MYBBP1A: variants seen among roughly 807,000 people sequenced by gnomAD.
MYBBP1A encodes the protein myb-binding protein 1A.
Under a neutral mutation model 136.3 loss-of-function variants are expected in MYBBP1A, and 147 were observed. The ratio of observed to expected loss-of-function variants is 1.08; its 90% CI spans 0.94 to 1.24. The LOEUF (loss-of-function observed/expected upper bound fraction) is 1.24. MYBBP1A is among the 50% of genes most tolerant of loss of function. The pLI, the probability that MYBBP1A is intolerant of heterozygous loss-of-function variation, is 0.00. For synonymous variants in MYBBP1A, 947 were observed against 735.8 expected (o/e 1.29, Z -4.65); for missense variants, 2,060 against 1,727.4 (o/e 1.19, Z -3.41).
In MYBBP1A at chr17:4,552,390, G is replaced by C. The variant is rs768430615; in HGVS notation, c.737+61C>G. ...ACCCCCAGGCCAAACGACAAATCTG[G>C]GCCTGGCCAGATGCAGTCCCTTGGC... is the stretch of plus-strand genomic sequence containing the variant. On this transcript the variant is annotated intron_variant, in intron 6 of 25. Transcript: ENST00000254718. This position sits in a 1 kb window ranked among gnomAD's most constrained non-coding sequence, Gnocchi z 4.7. The C allele has an allele frequency of 5.0e-5, 80 of 1,603,700 alleles. No homozygotes were observed. Among genetic ancestry groups the C allele is most frequent in the Non-Finnish European group, 6.0e-5 (70 of 1,175,574 alleles).
chr17:4,539,344 T>TAAAAAA lies in MYBBP1A; in HGVS notation c.*65_*70dup. 1 of 1,401,724 alleles carries TAAAAAA rather than the reference T, an allele frequency of 7.1e-7. No homozygotes were observed. The highest frequency in any genetic ancestry group is 9.4e-7 in the Non-Finnish European group (1 of 1,065,150). The allele number at this position is 1,401,724 out of a possible 1,614,324, so 86.8% of individuals were successfully genotyped here. On this transcript the variant is annotated 3_prime_UTR_variant, in exon 26 of 26. Coordinates refer to ENST00000254718, the MANE Select transcript of MYBBP1A (RefSeq NM_014520.4). ...CAGCTTGCGTATTAAAATCATGGTT[T>TAAAAAA]AAAAAAAAAAAAAAAAAATAGGCGT...
At chr17:4,540,215 T>C in intron 25 of MYBBP1A, 133 bp downstream of exon 25, 2 of 1,307,206 alleles carry the variant, frequency 1.5e-6, no homozygotes, top group Non-Finnish European at 2.1e-6. Flanking sequence ...TGCGCTTGAG[T>C]GCATGTGTGT....
At position 4,539,788 on chromosome 17, in the gene MYBBP1A, G is replaced by T. The variant is rs1370895523; in HGVS notation, c.3614C>A (p.Pro1205His). 1.1e-5 allele frequency: 17 copies of T among 1,612,558 alleles called. No individual in the cohort carries two copies. The highest frequency in any genetic ancestry group is 1.4e-5 in the Non-Finnish European group (16 of 1,180,028). The change falls in exon 26 of 26, where the codon CCC becomes CAC. Residue 1205 changes from proline to histidine, a missense_variant. By Grantham distance (77) the Pro-to-His change is moderately conservative. Coordinates refer to ENST00000254718, the MANE Select transcript of MYBBP1A (RefSeq NM_014520.4). ...GTPAATGGSQPPSMGRKKRNR... is the reference protein window; with the variant it reads ...GTPAATGGSQHPSMGRKKRNR... Reference sequence around the variant, plus strand: ...CCTCTTCTTCCTGCCCATGCTGGGGGGCTGGCTCCCGCCGGTGGCTGCAGG... The same window carrying T: ...CCTCTTCTTCCTGCCCATGCTGGGGTGCTGGCTCCCGCCGGTGGCTGCAGG...
intron 25 of MYBBP1A, among the ~76,000 whole-genome samples, 185 bp downstream of exon 25, chr17:4,540,163 G>GC (rs1195965100): frequency 7.7e-6 from 1 of 129,646 alleles, no homozygotes; most frequent in African/African-American, 3.7e-5. Context: ...CGAGGCTCCT[G>GC]CGAGGGTCCT....
chr17:4,542,386 C>A, intron 22 of MYBBP1A, 78 bp downstream of exon 22: 1 of 1,480,480 alleles, frequency 6.8e-7, no homozygotes, highest in South Asian at 1.3e-5. Context: ...GCTCTGGGGC[C>A]TCACAATATC....
Position 4,549,460 on chromosome 17 carries a change from G to C in MYBBP1A, c.1320-18C>G, listed in dbSNP as rs1382141384. On this transcript the variant is annotated intron_variant, in intron 9 of 25. Coordinates refer to ENST00000254718, the MANE Select transcript of MYBBP1A (RefSeq NM_014520.4). ...GCTCAGGCCTAGCGGGGCAGGAGGC[G>C]AGGTCATGTGAGCCACTTATAACTG... The C allele has an allele frequency of 6.2e-7, 1 of 1,604,412 alleles. No homozygotes were observed. The highest frequency in any genetic ancestry group is 8.5e-7 in the Non-Finnish European group (1 of 1,175,464).
chr17:4,543,941 G>C (rs920773225), intron 19 of MYBBP1A, among the ~76,000 whole-genome samples: 21 of 152,184 alleles, frequency 1.4e-4, no homozygotes, highest in African/African-American at 4.8e-4. Flanking sequence ...AGCACCGCTA[G>C]GGTCAGGGCC....
In MYBBP1A at chr17:4,543,413, C is replaced by A; in HGVS notation, c.2640-248G>T. 3 of 531,586 alleles carry A rather than the reference C, an allele frequency of 5.6e-6. No individual in the cohort carries two copies. In the South Asian group the frequency reaches 9.6e-5, roughly 17 times the overall value. The allele number at this position is 531,586 out of a possible 1,614,324, so 32.9% of individuals were successfully genotyped here. A position where few individuals can be genotyped will look rare whatever the true frequency, so the allele number is the denominator to read the frequency against. Reference sequence around the variant, plus strand: ...ACAGCTCCCTGAGTGGAGGCTGCACCAAGGGCCAACTGCCTGCCTGGGGCA... The same window carrying A: ...ACAGCTCCCTGAGTGGAGGCTGCACAAAGGGCCAACTGCCTGCCTGGGGCA... On this transcript the variant is annotated intron_variant, in intron 19 of 25. Transcript: ENST00000254718.
chr17:4,553,384 C>T (rs1907705357), intron 5 of MYBBP1A, among the ~76,000 whole-genome samples: 1 of 152,238 alleles, frequency 6.6e-6, no homozygotes, highest in Non-Finnish European at 1.5e-5. Context: ...CAATGGCAAA[C>T]GTTTTATATA....
chr17:4,544,793 C>CTTGT lies in MYBBP1A; in HGVS notation c.2435_2438dup (p.Leu814GlnfsTer83). ...GCCGCAGAGCCTTCTCCTTCTGCAG[C>CTTGT]TTGTTCTTCTCGTCTCGCCGGGCCT... On this transcript the variant is annotated frameshift_variant, in exon 18 of 26. Coordinates refer to ENST00000254718, the MANE Select transcript of MYBBP1A (RefSeq NM_014520.4). LOFTEE classifies it high-confidence loss of function. The CTTGT allele has an allele frequency of 6.3e-7, 1 of 1,598,526 alleles. No individual in the cohort carries two copies. The highest frequency in any genetic ancestry group is 8.5e-7 in the Non-Finnish European group (1 of 1,173,258).
intron 5 of MYBBP1A, among the ~76,000 whole-genome samples, 192 bp downstream of exon 5, chr17:4,553,616 TAA>T (rs748463042): frequency 5.3e-5 from 8 of 152,258 alleles, no homozygotes; most frequent in African/African-American, 7.2e-5. Context: ...ATATACCAGA[TAA>T]AGTCAAATGT....
At chr17:4,540,026 G>A (rs963840234) in intron 25 of MYBBP1A, 59 bp from the exon 26 acceptor site, 67 of 1,538,438 alleles carry the variant, frequency 4.4e-5, no homozygotes, top group African/African-American at 4.4e-4. Flanking sequence ...CACCGCCACC[G>A]CGACTGCTAC....
rs140762478 is a variant in MYBBP1A, at chr17:4,540,401, G to A, written c.3381C>T (p.Gly1127=). 5.6e-6 allele frequency: 9 copies of A among 1,610,540 alleles called. No homozygotes were observed. The African/African-American group carries it at 1.2e-4, about 21-fold the overall frequency. ...QSLQQGAHST[G]SSRLHDLYWQ... The stretch of plus-strand genomic sequence containing the variant: ...AGTAGAGGTCGTGCAGGCGGCTGGA[G>A]CCGGTGGAGTGTGCCCCCTGCTGTA... The change falls in exon 25 of 26, where the codon GGC becomes GGT. Residue 1127 remains glycine (G), a synonymous_variant. Coordinates refer to ENST00000254718, the MANE Select transcript of MYBBP1A (RefSeq NM_014520.4).
At position 4,549,399 on chromosome 17, in the gene MYBBP1A, G is replaced by GA; in HGVS notation, c.1362dup (p.Arg455SerfsTer19). On this transcript the variant is annotated frameshift_variant, in exon 10 of 26. Coordinates refer to ENST00000254718, the MANE Select transcript of MYBBP1A (RefSeq NM_014520.4). LOFTEE classifies it high-confidence loss of function. Reference sequence around the variant, plus strand: ...AGGCTGTCCACAATGCTCACCAATCGAAAGATGATCCATTTCCTCAGCCGG... The same window carrying GA: ...AGGCTGTCCACAATGCTCACCAATCGAAAAGATGATCCATTTCCTCAGCCGG... 6.2e-7 allele frequency: 1 copy of GA among 1,613,238 alleles called. No individual in the cohort carries two copies. The highest frequency in any genetic ancestry group is 8.5e-7 in the Non-Finnish European group (1 of 1,179,980).
chr17:4,540,664 C>T (rs781025882), intron 24 of MYBBP1A, among the ~76,000 whole-genome samples, 180 bp from the exon 25 acceptor site: 7 of 148,326 alleles, frequency 4.7e-5, no homozygotes, highest in African/African-American at 7.3e-5. Context: ...AGGAAACACG[C>T]GCCCCAGGTG....
Position 4,550,370 on chromosome 17 carries a change from T to C in MYBBP1A, c.1024-17A>G, listed in dbSNP as rs759184171. The C allele has an allele frequency of 1.4e-5, 23 of 1,602,516 alleles. No homozygotes were observed. Among genetic ancestry groups the C allele is most frequent in the Non-Finnish European group, 1.5e-5 (18 of 1,174,478 alleles). Reference sequence around the variant, plus strand: ...CTTTGGGAGCTGCAAGAGTTAGGCATGGCGCTGAGCCCACCAGCCCAGGGG... The same window carrying C: ...CTTTGGGAGCTGCAAGAGTTAGGCACGGCGCTGAGCCCACCAGCCCAGGGG... On this transcript the variant is annotated splice_polypyrimidine_tract_variant and intron_variant, in intron 8 of 25. Transcript: ENST00000254718.
chr17:4,548,621 T>C lies in MYBBP1A; in HGVS notation c.1459A>G (p.Thr487Ala). 3 of 1,614,090 alleles carry C rather than the reference T, an allele frequency of 1.9e-6. No homozygotes were observed. Among genetic ancestry groups the C allele is most frequent in the Non-Finnish European group, 2.5e-6 (3 of 1,180,008 alleles). ...GGGATCTGGGATGTGGGCTTCTTTG[T>C]GACAAAGAACGAGTGGAACAAACAA... Reference protein sequence around the residue: ...RFCLFHSFFVTKKPTSQIPET... With the variant: ...RFCLFHSFFVAKKPTSQIPET... Residue 487 changes from threonine to alanine, a missense_variant, in exon 11 of 26, where the codon ACA becomes GCA. Physicochemically the swap from Thr to Ala is moderately conservative, Grantham distance 58. Coordinates refer to ENST00000254718, the MANE Select transcript of MYBBP1A (RefSeq NM_014520.4). The surrounding 1 kb of genome is among the most constrained non-coding windows in gnomAD (Gnocchi z 4.2).
In MYBBP1A at chr17:4,552,117, G is replaced by T. The variant is rs747258145; in HGVS notation, c.905+8C>A. 3 of 1,612,610 alleles carry T rather than the reference G, an allele frequency of 1.9e-6. No individual in the cohort carries two copies. Among genetic ancestry groups the T allele is most frequent in the East Asian group, 4.5e-5 (2 of 44,864 alleles). ...AGGGGGCCGAGAGAGGACACGCGTCGCCCGCACCTGGCTGGCCAGAACTGC... is the reference window on the plus strand; with the variant it reads ...AGGGGGCCGAGAGAGGACACGCGTCTCCCGCACCTGGCTGGCCAGAACTGC... On this transcript the variant is annotated splice_region_variant and intron_variant, in intron 7 of 25. Coordinates refer to ENST00000254718, the MANE Select transcript of MYBBP1A (RefSeq NM_014520.4). The surrounding 1 kb of genome is among the most constrained non-coding windows in gnomAD (Gnocchi z 4.7).
chr17:4,549,846 CAG>C (rs1907347409), intron 9 of MYBBP1A, among the ~76,000 whole-genome samples: 1 of 150,468 alleles, frequency 6.6e-6, no homozygotes, highest in Admixed American at 6.6e-5. Flanking sequence ...TGCCTGATCT[CAG>C]AGACAACACT....
Sources: gnomAD v4.1 joint callset for allele counts (sites outside exome capture counted in the v4.1 genomes callset) on GRCh38, gnomAD v4.1.1 for gene constraint, Gnocchi (gnomAD v3.1) non-coding constraint, MANE v1.5 for transcripts, NCBI Gene and HGNC (gene_info 2026-07-23, HGNC 2026-07-21) for gene names.